HMGCLL1: variants seen among roughly 807,000 people sequenced by gnomAD.
The protein encoded by HMGCLL1 is 3-hydroxy-3-methylglutaryl-CoA lyase like 1.
Under a neutral mutation model 39.1 loss-of-function variants are expected in HMGCLL1, and 36 were observed. The observed-to-expected ratio is 0.92, with a 90% confidence interval of 0.71 to 1.22. HMGCLL1 has a LOEUF of 1.22. Ranked by LOEUF, HMGCLL1 falls within the 50% of genes most tolerant of loss-of-function variation. The pLI, the probability that HMGCLL1 is intolerant of heterozygous loss-of-function variation, is 0.00. For missense variants in HMGCLL1, 451 were observed against 416.5 expected (o/e 1.08, Z -0.72); for synonymous variants, 149 against 144.0 (o/e 1.03, Z -0.25).
the HMGCLL1 span, among the ~76,000 whole-genome samples, chr6:55,616,033 A>T: frequency 6.6e-6 from 1 of 152,156 alleles, no homozygotes; most frequent in East Asian, 1.9e-4. Context: ...TTTATATAAT[A>T]TGACATTTGA....
chr6:55,513,748 T>A (rs1241895886), intron 5 of HMGCLL1: 1 of 376,798 alleles, frequency 2.7e-6, no homozygotes, highest in Admixed American at 4.7e-5. Flanking sequence ...ACATGTAGGC[T>A]GAGATAAGAG....
At chr6:55,646,609 T>C in the HMGCLL1 span, among the ~76,000 whole-genome samples, 1 of 151,988 alleles carries the variant, frequency 6.6e-6, no homozygotes, top group Non-Finnish European at 1.5e-5. Flanking sequence ...ATAATTTGTT[T>C]CAAGAAATTT....
chr6:55,562,929 A>G (rs1239113894), intron 1 of HMGCLL1, among the ~76,000 whole-genome samples: 6 of 151,256 alleles, frequency 4.0e-5, no homozygotes, highest in Non-Finnish European at 8.9e-5. Flanking sequence ...TAACTCCAAG[A>G]AAAAAAAATG....
chr6:55,463,116 C>T (rs555688451), intron 7 of HMGCLL1, among the ~76,000 whole-genome samples: 33 of 151,538 alleles, frequency 2.2e-4, no homozygotes, highest in South Asian at 4.2e-4. Context: ...CTGCAACCTC[C>T]GCCTCCTGGG....
At chr6:55,654,127 T>G in the HMGCLL1 span, among the ~76,000 whole-genome samples, 6 of 151,832 alleles carry the variant, frequency 4.0e-5, no homozygotes, top group Non-Finnish European at 5.9e-5. Flanking sequence ...AACCACCTAA[T>G]CCTACCTTTC....
At chr6:55,607,075 C>T in the HMGCLL1 span, among the ~76,000 whole-genome samples, 1 of 152,118 alleles carries the variant, frequency 6.6e-6, no homozygotes, top group Non-Finnish European at 1.5e-5. Context: ...GAAGCTAACA[C>T]TCTCTGCTTG....
chr6:55,508,877 T>A (rs1473164047), intron 5 of HMGCLL1, among the ~76,000 whole-genome samples: 7 of 151,078 alleles, frequency 4.6e-5, no homozygotes, highest in Non-Finnish European at 1.0e-4. Flanking sequence ...TGGCAAGGTA[T>A]AATCCAGCAA....
At chr6:55,579,200 G>C (rs1771924541), upstream of HMGCLL1, 2 of 655,750 alleles carry the variant, frequency 3.0e-6, no homozygotes, top group African/African-American at 3.6e-5. Flanking sequence ...TGCGCACTGC[G>C]GCGGCGCCGA....
the HMGCLL1 span, among the ~76,000 whole-genome samples, chr6:55,609,218 T>A: frequency 1.3e-5 from 2 of 152,074 alleles, no homozygotes; most frequent in Non-Finnish European, 2.9e-5. Context: ...GCCTGCTAAG[T>A]CAACTGAGCT....
At chr6:55,533,221 TTTA>T (rs1035098723) in intron 3 of HMGCLL1, among the ~76,000 whole-genome samples, 1 of 151,838 alleles carries the variant, frequency 6.6e-6, no homozygotes, top group African/African-American at 2.4e-5. Context: ...ATTCAGAATA[TTTA>T]TTATTATATT....
the HMGCLL1 span, among the ~76,000 whole-genome samples, chr6:55,643,703 T>C: frequency 1.3e-5 from 2 of 151,960 alleles, no homozygotes; most frequent in Non-Finnish European, 2.9e-5. Flanking sequence ...AGTGAGAACA[T>C]GCAATGTTTG....
At chr6:55,673,669 T>G in the HMGCLL1 span, among the ~76,000 whole-genome samples, 14 of 151,958 alleles carry the variant, frequency 9.2e-5, no homozygotes, top group Non-Finnish European at 5.9e-5. Context: ...TAATGCATAA[T>G]AGCAAACTAT....
At chr6:55,667,575 CATA>C in the HMGCLL1 span, among the ~76,000 whole-genome samples, 2 of 151,860 alleles carry the variant, frequency 1.3e-5, no homozygotes, top group African/African-American at 4.8e-5. Flanking sequence ...CACATTAAGA[CATA>C]AATACTTCAG....
chr6:55,538,692 T>G (rs1044452614), intron 3 of HMGCLL1, among the ~76,000 whole-genome samples: 33 of 152,290 alleles, frequency 2.2e-4, no homozygotes, highest in African/African-American at 7.5e-4. Flanking sequence ...TGATTTATTT[T>G]TTTTATTTTA....
intron 1 of HMGCLL1, among the ~76,000 whole-genome samples, chr6:55,571,406 T>C (rs1322555057): frequency 6.6e-6 from 1 of 152,158 alleles, no homozygotes; most frequent in Non-Finnish European, 1.5e-5. Context: ...AGTACTGATT[T>C]AAATATAAAA....
At chr6:55,635,744 G>C in the HMGCLL1 span, among the ~76,000 whole-genome samples, 1 of 152,146 alleles carries the variant, frequency 6.6e-6, no homozygotes, top group Non-Finnish European at 1.5e-5. Flanking sequence ...AGAGTAAAGA[G>C]AGCTCAAGTG....
At chr6:55,526,703 T>C (rs1039966442) in intron 3 of HMGCLL1, among the ~76,000 whole-genome samples, 8 of 152,072 alleles carry the variant, frequency 5.3e-5, no homozygotes, top group African/African-American at 1.4e-4. Context: ...CTGAGTTACA[T>C]GTTAAACCTA....
At chr6:55,663,512 T>C in the HMGCLL1 span, among the ~76,000 whole-genome samples, 1 of 151,790 alleles carries the variant, frequency 6.6e-6, no homozygotes, top group African/African-American at 2.4e-5. Flanking sequence ...TTTCTTTTAG[T>C]ATTGATTTCT....
intron 1 of HMGCLL1, among the ~76,000 whole-genome samples, chr6:55,575,288 A>C (rs1329541088): frequency 6.6e-6 from 1 of 152,062 alleles, no homozygotes; most frequent in Middle Eastern, 3.2e-3. Context: ...GACCCACATA[A>C]TTTAATTAGT....
Sources: allele counts gnomAD v4.1 joint callset (sites outside exome capture counted in the v4.1 genomes callset), GRCh38; gene constraint gnomAD v4.1.1; transcripts MANE v1.5; gene names NCBI Gene and HGNC (gene_info 2026-07-23, HGNC 2026-07-21).